FBXO28: variants seen among roughly 807,000 people sequenced by gnomAD.
FBXO28 encodes the protein F-box only protein 28.
In FBXO28, 8 loss-of-function variants were observed where a neutral mutation model predicts 38.1. The observed-to-expected ratio is 0.21, with a 90% CI of 0.12 to 0.38. FBXO28 has a LOEUF of 0.38. Ranked by LOEUF, FBXO28 falls within the 10% of genes least tolerant of loss-of-function variation. FBXO28 has a pLI of 1.00. For missense variants in FBXO28, 345 were observed against 460.6 expected, an observed-to-expected ratio of 0.75 and a Z score of 2.30; for synonymous variants, 168 against 173.8, an observed-to-expected ratio of 0.97 and a Z score of 0.26.
intron 1 of FBXO28, among the ~76,000 whole-genome samples, chr1:224,125,590 TTTC>T (rs1656885169): frequency 6.6e-6 from 1 of 151,984 alleles, no homozygotes; most frequent in East Asian, 1.9e-4. Flanking sequence ...TTCCTTTTCT[TTTC>T]TTCTTTTTTG....
intron 1 of FBXO28, among the ~76,000 whole-genome samples, chr1:224,120,873 AAAAAAAG>A (rs1402124544): frequency 6.6e-6 from 1 of 151,310 alleles, no homozygotes; most frequent in African/African-American, 2.5e-5. Context: ...CAAAAAAAAA[AAAAAAAG>A]AAAGAAAGAA....
intron 3 of FBXO28, among the ~76,000 whole-genome samples, chr1:224,134,769 A>C (rs1442092707): frequency 6.6e-6 from 1 of 152,234 alleles, no homozygotes; most frequent in East Asian, 1.9e-4. Flanking sequence ...AACATTCAAC[A>C]TACTACTTAT....
chr1:224,157,948 A>G lies in FBXO28; in HGVS notation c.*202A>G, dbSNP rs1657810146. 2.1e-6 allele frequency: 3 copies of G among 1,395,960 alleles called. No homozygotes were observed. Among genetic ancestry groups the G allele is most frequent in the South Asian group, 1.7e-5 (1 of 58,792 alleles). The allele number at this position is 1,395,960 out of a possible 1,614,324, so 86.5% of individuals were successfully genotyped here. The stretch of plus-strand genomic sequence containing the variant: ...ATGCACAGAATCTTTTTACTTTGCA[A>G]TAGATTTGTACTAACCAGACCTGTT... On this transcript the variant is annotated 3_prime_UTR_variant, in exon 5 of 5. Transcript: ENST00000366862.
At chr1:224,125,170 G>A (rs1656876081) in intron 1 of FBXO28, among the ~76,000 whole-genome samples, 1 of 149,206 alleles carries the variant, frequency 6.7e-6, no homozygotes, top group South Asian at 2.1e-4. Flanking sequence ...CTGGAGTAGT[G>A]CAGGTGTGAT....
At chr1:224,150,710 T>C (rs1238591734) in intron 3 of FBXO28, among the ~76,000 whole-genome samples, 1 of 152,152 alleles carries the variant, frequency 6.6e-6, no homozygotes, top group Non-Finnish European at 1.5e-5. Context: ...ATATCTTCAA[T>C]TGATCAGTTC....
intron 3 of FBXO28, among the ~76,000 whole-genome samples, chr1:224,151,686 T>C (rs1199363400): frequency 6.6e-6 from 1 of 152,134 alleles, no homozygotes; most frequent in Non-Finnish European, 1.5e-5. Flanking sequence ...GTTTGGTTGA[T>C]TAACCCTCAG....
chr1:224,127,396 A>T (rs1656932578), intron 1 of FBXO28, among the ~76,000 whole-genome samples: 1 of 152,112 alleles, frequency 6.6e-6, no homozygotes, highest in Admixed American at 6.6e-5. Context: ...AGGTATGAAA[A>T]TTGACCTGTG....
At chr1:224,132,798 G>A (rs866713532) in intron 2 of FBXO28, among the ~76,000 whole-genome samples, 1 of 113,944 alleles carries the variant, frequency 8.8e-6, no homozygotes, top group African/African-American at 3.3e-5. Flanking sequence ...GAGTGAGCCC[G>A]TCTCAAAAAA....
Position 224,159,838 on chromosome 1 carries a change from C to A in FBXO28, c.*2092C>A, listed in dbSNP as rs1262150698. The stretch of plus-strand genomic sequence containing the variant: ...GAACTATTAAAAATTTCCTGAATTT[C>A]TTTTTAAACTACATCTAGATAGCCT... On this transcript the variant is annotated 3_prime_UTR_variant, in exon 5 of 5. Coordinates refer to ENST00000366862, the MANE Select transcript of FBXO28 (RefSeq NM_015176.4). 1 of 152,070 alleles carries A rather than the reference C, an allele frequency of 6.6e-6. No homozygotes were observed. Among genetic ancestry groups the A allele is most frequent in the East Asian group, 1.9e-4 (1 of 5,190 alleles). 9.4% of individuals were successfully genotyped at this position (152,070 alleles called of 1,614,324 possible).
chr1:224,119,285 C>T (rs547565974), intron 1 of FBXO28, among the ~76,000 whole-genome samples: 1 of 151,486 alleles, frequency 6.6e-6, no homozygotes, highest in Admixed American at 6.6e-5. Context: ...AGGCACCTGC[C>T]ACCACGCCCG....
intron 1 of FBXO28, among the ~76,000 whole-genome samples, chr1:224,114,664 C>T (rs1030889332): frequency 1.3e-5 from 2 of 152,212 alleles, no homozygotes; most frequent in African/African-American, 4.8e-5. Context: ...GAAGCGGGCC[C>T]TCTACGGGAG....
chr1:224,156,165 T>C lies in FBXO28; in HGVS notation c.713-1187T>C, dbSNP rs114518527. 6.9e-3 allele frequency among the ~76,000 whole-genome samples: 1,045 copies of C among 152,342 alleles called. 14 individuals carry two copies. The highest frequency in any genetic ancestry group is 0.023 in the African/African-American group (973 of 41,576). On this transcript the variant is annotated intron_variant, in intron 4 of 4. Transcript: ENST00000366862. ...ATGGTTTAGGATATGAATGGACCCATCTGGTTCTTTTAGAAAACCTTCAGT... is the reference window on the plus strand; with the variant it reads ...ATGGTTTAGGATATGAATGGACCCACCTGGTTCTTTTAGAAAACCTTCAGT...
rs1204095357 is a variant in FBXO28, at chr1:224,129,430, ATAAG to A, written c.268-1038_268-1035del. Among the ~76,000 whole-genome samples the A allele has an allele frequency of 1.6e-4, 25 of 152,366 alleles. 1 individual carries two copies. The highest frequency in any genetic ancestry group is 1.4e-3 in the Admixed American group (21 of 15,306). ...TAGTTAAGCCAGATCACTAGAAGAAATAAGTAATAATTCTCATTCTGGTTATAGA... is the reference window on the plus strand; with the variant it reads ...TAGTTAAGCCAGATCACTAGAAGAAATAATAATTCTCATTCTGGTTATAGA... On this transcript the variant is annotated intron_variant, in intron 1 of 4. Coordinates refer to ENST00000366862, the MANE Select transcript of FBXO28 (RefSeq NM_015176.4).
intron 1 of FBXO28, among the ~76,000 whole-genome samples, chr1:224,116,346 T>C (rs1457432578): frequency 6.6e-6 from 1 of 152,188 alleles, no homozygotes; most frequent in Non-Finnish European, 1.5e-5. Flanking sequence ...TTAATTATGA[T>C]CTTTTCTGAA....
intron 1 of FBXO28, among the ~76,000 whole-genome samples, chr1:224,122,225 T>A (rs1202147152): frequency 6.6e-6 from 1 of 152,226 alleles, no homozygotes; most frequent in African/African-American, 2.4e-5. Flanking sequence ...CATTATTCAT[T>A]TTTTAAATGA....
At chr1:224,123,907 G>A (rs1365132165) in intron 1 of FBXO28, among the ~76,000 whole-genome samples, 1 of 152,142 alleles carries the variant, frequency 6.6e-6, no homozygotes, top group Non-Finnish European at 1.5e-5. Flanking sequence ...TCAAGAGTTT[G>A]AGACCAGCCT....
At chr1:224,118,799 T>C (rs1656704079) in intron 1 of FBXO28, among the ~76,000 whole-genome samples, 1 of 152,212 alleles carries the variant, frequency 6.6e-6, no homozygotes, top group Admixed American at 6.5e-5. Context: ...TGAAGACACC[T>C]TTACACTTTT....
intron 1 of FBXO28, among the ~76,000 whole-genome samples, chr1:224,122,485 A>C (rs1214020739): frequency 6.6e-6 from 1 of 152,172 alleles, no homozygotes; most frequent in Non-Finnish European, 1.5e-5. Flanking sequence ...AGTTGTCCCC[A>C]AAATGTTCTT....
chr1:224,116,634 TCTTC>T (rs1424112865), intron 1 of FBXO28, among the ~76,000 whole-genome samples: 1 of 152,212 alleles, frequency 6.6e-6, no homozygotes, highest in African/African-American at 2.4e-5. Context: ...GGACTTTTTT[TCTTC>T]CTTCTCAGTT....
Sources: allele counts gnomAD v4.1 joint callset (sites outside exome capture counted in the v4.1 genomes callset), GRCh38; gene constraint gnomAD v4.1.1; transcripts MANE v1.5; gene names NCBI Gene and HGNC (gene_info 2026-07-23, HGNC 2026-07-21).